Variants in FAM177A1 observed in about 807,000 individuals in gnomAD.
FAM177A1 encodes family with sequence similarity 177 member A1, also known as protein FAM177A1.
FAM177A1 carries 22 observed loss-of-function variants against 26.1 expected under a neutral mutation model. The ratio of observed to expected loss-of-function variants is 0.84; its 90% CI spans 0.60 to 1.20. The LOEUF (loss-of-function observed/expected upper bound fraction) is 1.20. FAM177A1 is among the 50% of genes most tolerant of loss of function. The pLI is 0.00. For synonymous variants in FAM177A1, 95 were observed against 99.3 expected (o/e 0.96, Z 0.26); for missense variants, 296 against 291.1 (o/e 1.02, Z -0.12).
chr14:35,076,433 G>A (rs1034146813), intron 2 of FAM177A1, among the ~76,000 whole-genome samples: 8 of 151,896 alleles, frequency 5.3e-5, no homozygotes, highest in Admixed American at 1.3e-4. Flanking sequence ...CACACACTGG[G>A]GCCTGTTGTG....
At chr14:35,074,017 A>G (rs2045359537) in intron 2 of FAM177A1, among the ~76,000 whole-genome samples, 1 of 152,228 alleles carries the variant, frequency 6.6e-6, no homozygotes, top group Non-Finnish European at 1.5e-5. Flanking sequence ...ACATTTTTAA[A>G]GCCAAACTTC....
chr14:35,056,380 G>C (rs2045062018), intron 2 of FAM177A1, among the ~76,000 whole-genome samples: 1 of 151,512 alleles, frequency 6.6e-6, no homozygotes, highest in South Asian at 2.1e-4. Context: ...TTTTGAGATA[G>C]AGTCTCACTC....
At chr14:35,053,509 T>C (rs1352092425) in intron 2 of FAM177A1, 58 bp downstream of exon 2, 13 of 1,554,160 alleles carry the variant, frequency 8.4e-6, no homozygotes, top group South Asian at 2.3e-5. Context: ...TTATTTTTTT[T>C]CCCTAAACAT....
intron 2 of FAM177A1, among the ~76,000 whole-genome samples, chr14:35,071,935 T>C (rs144860637): frequency 3.3e-5 from 5 of 152,214 alleles, no homozygotes; most frequent in African/African-American, 4.8e-5. Context: ...ATATTTCTTA[T>C]GTTATATGTA....
chr14:35,059,327 A>G (rs2045113117), intron 2 of FAM177A1, among the ~76,000 whole-genome samples: 1 of 152,088 alleles, frequency 6.6e-6, no homozygotes, highest in Non-Finnish European at 1.5e-5. Context: ...TAGACAGCAT[A>G]TAGTTGGATC....
rs187199708 is a variant in FAM177A1 at position 35,066,684 on chromosome 14, C to T, written c.340-10466C>T. Among the ~76,000 whole-genome samples, 116 of 152,090 alleles carry T rather than the reference C, an allele frequency of 7.6e-4. 3 individuals carry two copies. The highest frequency in any genetic ancestry group is 5.1e-3 in the Admixed American group (78 of 15,282). On this transcript the variant is annotated intron_variant, in intron 2 of 4. Coordinates refer to ENST00000280987, the MANE Select transcript of FAM177A1 (RefSeq NM_173607.5). The stretch of plus-strand genomic sequence containing the variant: ...CCTCCCAAAGTGCTGGGATTACAGG[C>T]GTGAGCCACCGCGCCTGGCCATAAA...
intron 1 of FAM177A1, 79 bp from the exon 2 acceptor site, chr14:35,053,199 C>A: frequency 7.5e-7 from 1 of 1,331,256 alleles, no homozygotes; most frequent in Non-Finnish European, 1.0e-6. Context: ...TACAATAAAC[C>A]TACCAAAAGT....
chr14:35,061,479 G>A (rs1363876809), intron 2 of FAM177A1, among the ~76,000 whole-genome samples: 1 of 131,916 alleles, frequency 7.6e-6, no homozygotes, highest in African/African-American at 2.8e-5. Context: ...TTTTTTTTTA[G>A]TCTTTGTTTT....
chr14:35,067,224 T>C (rs1441287479), intron 2 of FAM177A1, among the ~76,000 whole-genome samples: 1 of 152,018 alleles, frequency 6.6e-6, no homozygotes, highest in Non-Finnish European at 1.5e-5. Flanking sequence ...TAACCACCAT[T>C]GTGCTCTCTG....
At position 35,083,154 on chromosome 14, in the gene FAM177A1, G is replaced by T. The variant is rs146571764; in HGVS notation, c.*1926G>T. On this transcript the variant is annotated 3_prime_UTR_variant, in exon 5 of 5. Transcript: ENST00000280987. ...AGTGAAGATAGGTGTGTCTAAAAGTGATCTTCTGAATCCTGTCTCCCTAGA... is the reference window on the plus strand; with the variant it reads ...AGTGAAGATAGGTGTGTCTAAAAGTTATCTTCTGAATCCTGTCTCCCTAGA... 6.6e-6 allele frequency: 1 copy of T among 152,554 alleles called. No homozygotes were observed. The highest frequency in any genetic ancestry group is 1.5e-5 in the Non-Finnish European group (1 of 68,024). 9.5% of individuals were successfully genotyped at this position (152,554 alleles called of 1,614,324 possible).
intron 1 of FAM177A1, chr14:35,046,914 C>G (rs2044876687): frequency 8.2e-7 from 1 of 1,222,776 alleles, no homozygotes; most frequent in Non-Finnish European, 1.0e-6. Context: ...AGAAGAAAGG[C>G]GTGTCCCCCA....
At chr14:35,059,316 G>T (rs1469082501) in intron 2 of FAM177A1, among the ~76,000 whole-genome samples, 1 of 151,938 alleles carries the variant, frequency 6.6e-6, no homozygotes, top group Non-Finnish European at 1.5e-5. Context: ...AGTATCTCTT[G>T]TAGACAGCAT....
chr14:35,057,449 G>T (rs2045079250), intron 2 of FAM177A1, among the ~76,000 whole-genome samples: 1 of 151,598 alleles, frequency 6.6e-6, no homozygotes, highest in Non-Finnish European at 1.5e-5. Context: ...GCATGATCTT[G>T]GCTCACTGCA....
chr14:35,070,403 C>T (rs897764173), intron 2 of FAM177A1, among the ~76,000 whole-genome samples: 3 of 151,818 alleles, frequency 2.0e-5, no homozygotes, highest in Admixed American at 2.0e-4. Flanking sequence ...GATCTCGCCT[C>T]GCTGCAACCT....
intron 1 of FAM177A1, among the ~76,000 whole-genome samples, chr14:35,048,359 G>T (rs1158099472): frequency 6.6e-6 from 1 of 151,956 alleles, no homozygotes. Flanking sequence ...CTTTGATTGG[G>T]GTTAGTGATA....
intron 2 of FAM177A1, among the ~76,000 whole-genome samples, chr14:35,076,658 T>TC (rs2045401361): frequency 6.6e-6 from 1 of 152,084 alleles, no homozygotes; most frequent in Admixed American, 6.6e-5. Context: ...TCCCTTATTT[T>TC]CCCACCATTA....
At chr14:35,064,776 C>T (rs1029684503) in intron 2 of FAM177A1, among the ~76,000 whole-genome samples, 2 of 151,708 alleles carry the variant, frequency 1.3e-5, no homozygotes, top group Admixed American at 6.6e-5. Flanking sequence ...CTCAGCCTCC[C>T]GAGTAGCTGG....
At chr14:35,071,910 A>G (rs1416647371) in intron 2 of FAM177A1, among the ~76,000 whole-genome samples, 2 of 152,234 alleles carry the variant, frequency 1.3e-5, no homozygotes, top group Non-Finnish European at 2.9e-5. Context: ...CCTAGAGCAT[A>G]AAGTCAATTA....
intron 1 of FAM177A1, among the ~76,000 whole-genome samples, chr14:35,052,404 G>A (rs558213994): frequency 6.6e-6 from 1 of 151,994 alleles, no homozygotes; most frequent in South Asian, 2.1e-4. Flanking sequence ...TATATTTTTA[G>A]TAGAGACAGG....
Sources: allele counts gnomAD v4.1 joint callset (sites outside exome capture counted in the v4.1 genomes callset), GRCh38; gene constraint gnomAD v4.1.1; transcripts MANE v1.5; gene names NCBI Gene and HGNC (gene_info 2026-07-23, HGNC 2026-07-21).